The following ADAM23 variants were observed in gnomAD, a reference collection of about 807,000 sequenced individuals.
The protein encoded by ADAM23 is ADAM metallopeptidase domain 23, also known as disintegrin and metalloproteinase domain-containing protein 23.
Under a neutral mutation model 120.1 loss-of-function variants are expected in ADAM23, and 33 were observed. That is an observed-to-expected ratio of 0.27 (90% CI 0.21 to 0.37). The LOEUF is 0.37. Ranked by LOEUF, ADAM23 falls within the 10% of genes least tolerant of loss-of-function variation. The pLI, the probability that ADAM23 is intolerant of heterozygous loss-of-function variation, is 1.00. For synonymous variants in ADAM23, 367 were observed against 375.2 expected, an observed-to-expected ratio of 0.98 and a Z score of 0.25; for missense variants, 862 against 1,058.2, an observed-to-expected ratio of 0.81 and a Z score of 2.57.
chr2:206,460,436 T>C (rs889908399), intron 2 of ADAM23, among the ~76,000 whole-genome samples: 1 of 152,210 alleles, frequency 6.6e-6, no homozygotes, highest in Non-Finnish European at 1.5e-5. Context: ...CTAATGAGTA[T>C]GAAGTGGTAT....
chr2:206,544,882 A>G (rs767908135), intron 6 of ADAM23, among the ~76,000 whole-genome samples: 6 of 152,124 alleles, frequency 3.9e-5, no homozygotes, highest in Non-Finnish European at 5.9e-5. Context: ...AGAGAAGACA[A>G]GTGGTGAATG....
intron 9 of ADAM23, among the ~76,000 whole-genome samples, chr2:206,553,091 A>G (rs1462935862): frequency 1.3e-5 from 2 of 152,172 alleles, no homozygotes; most frequent in African/African-American, 4.8e-5. Context: ...TAAAAAGGAA[A>G]AAAAGGCCGC....
chr2:206,457,216 T>A (rs911764766), intron 2 of ADAM23, among the ~76,000 whole-genome samples: 23 of 152,222 alleles, frequency 1.5e-4, no homozygotes, highest in African/African-American at 5.3e-4. Flanking sequence ...TTGAGGCACT[T>A]TCATATCTAT....
intron 3 of ADAM23, among the ~76,000 whole-genome samples, chr2:206,524,765 G>A (rs1399062907): frequency 6.6e-6 from 1 of 152,152 alleles, no homozygotes; most frequent in Non-Finnish European, 1.5e-5. Flanking sequence ...ATCTCCCACT[G>A]GGTCCCTCCC....
At chr2:206,611,779 A>C (rs1698832226) in intron 25 of ADAM23, among the ~76,000 whole-genome samples, 1 of 152,234 alleles carries the variant, frequency 6.6e-6, no homozygotes, top group African/African-American at 2.4e-5. Flanking sequence ...AAAATGGAAA[A>C]GCCTTTATCA....
chr2:206,565,309 G>A (rs1697855968), intron 14 of ADAM23, among the ~76,000 whole-genome samples: 1 of 152,084 alleles, frequency 6.6e-6, no homozygotes, highest in Non-Finnish European at 1.5e-5. Context: ...CTTAAAGGAA[G>A]CACATGATTA....
At position 206,448,679 on chromosome 2, in the gene ADAM23, C is replaced by T. The variant is rs550043002; in HGVS notation, c.432+3155C>T. On this transcript the variant is annotated intron_variant, in intron 2 of 25. Transcript: ENST00000264377. ...ACCAATAGCCAGTGATTTAATCAGT[C>T]ATGCCTATGTAAGGAAGCATCCATA... Among the ~76,000 whole-genome samples the T allele has an allele frequency of 7.9e-5, 12 of 152,280 alleles. No homozygotes were observed. The South Asian group carries it at 2.3e-3, about 29-fold the overall frequency.
intron 3 of ADAM23, among the ~76,000 whole-genome samples, chr2:206,483,483 C>T (rs901832256): frequency 1.3e-5 from 2 of 151,832 alleles, no homozygotes; most frequent in African/African-American, 4.8e-5. Context: ...ACCAACATGG[C>T]TGTGAATGAG....
rs140663840 is a variant in ADAM23 at position 206,464,050 on chromosome 2, T to C, written c.433-17182T>C. Among the ~76,000 whole-genome samples, 698 of 152,356 alleles carry C rather than the reference T, an allele frequency of 4.6e-3. 4 individuals are homozygous for C. The highest frequency in any genetic ancestry group is 6.8e-3 in the Middle Eastern group (2 of 294). ...CTGTAGATAGTTGCAATATTTCTTC[T>C]GTTATTATTTTTTGAAGGATACATA... On this transcript the variant is annotated intron_variant, in intron 2 of 25. Coordinates refer to ENST00000264377, the MANE Select transcript of ADAM23 (RefSeq NM_003812.4).
At chr2:206,616,041 C>T (rs1192483667) in intron 25 of ADAM23, among the ~76,000 whole-genome samples, 2 of 152,222 alleles carry the variant, frequency 1.3e-5, no homozygotes, top group African/African-American at 4.8e-5. Flanking sequence ...TCTAGCAATA[C>T]ATAGCTCACA....
chr2:206,519,089 A>G (rs1047805372), intron 3 of ADAM23, among the ~76,000 whole-genome samples: 1 of 152,158 alleles, frequency 6.6e-6, no homozygotes, highest in Non-Finnish European at 1.5e-5. Flanking sequence ...GGAGAAGACT[A>G]GTTGGACAAT....
At chr2:206,565,270 A>G (rs1697855118) in intron 14 of ADAM23, among the ~76,000 whole-genome samples, 1 of 152,150 alleles carries the variant, frequency 6.6e-6, no homozygotes, top group Admixed American at 6.5e-5. Context: ...ATAAAAGTAA[A>G]ATGTATTACC....
In ADAM23 at chr2:206,466,412, T is replaced by A. The variant is rs146845651; in HGVS notation, c.433-14820T>A. Among the ~76,000 whole-genome samples, 601 of 152,342 alleles carry A rather than the reference T, an allele frequency of 3.9e-3. 6 individuals carry two copies. The highest frequency in any genetic ancestry group is 0.013 in the African/African-American group (558 of 41,586). On this transcript the variant is annotated intron_variant, in intron 2 of 25. Coordinates refer to ENST00000264377, the MANE Select transcript of ADAM23 (RefSeq NM_003812.4). ...CTGTCCTAATTAAAAATGTTGATTT[T>A]AAAACCCGATTAGTATGTTGCTTTA...
chr2:206,562,403 G>T, intron 13 of ADAM23, 110 bp downstream of exon 13: 2 of 726,840 alleles, frequency 2.8e-6, no homozygotes, highest in Non-Finnish European at 4.5e-6. Flanking sequence ...TTTAATTGTA[G>T]TATATCTCCT....
chr2:206,588,695 T>G (rs1698371240), intron 20 of ADAM23, among the ~76,000 whole-genome samples: 3 of 152,332 alleles, frequency 2.0e-5, no homozygotes, highest in African/African-American at 7.2e-5. Context: ...TCCTGACATT[T>G]ACAGTGCCTC....
chr2:206,607,569 T>C (rs1315925519), intron 24 of ADAM23, among the ~76,000 whole-genome samples: 1 of 152,232 alleles, frequency 6.6e-6, no homozygotes, highest in African/African-American at 2.4e-5. Flanking sequence ...ACATAGTCCT[T>C]GTTATCAGCA....
intron 2 of ADAM23, among the ~76,000 whole-genome samples, chr2:206,468,280 C>T (rs1695582511): frequency 6.6e-6 from 1 of 152,146 alleles, no homozygotes; most frequent in Non-Finnish European, 1.5e-5. Flanking sequence ...CTTTTATGTT[C>T]TGCCTCCCTT....
chr2:206,446,163 T>G (rs990547887), intron 2 of ADAM23, among the ~76,000 whole-genome samples: 13 of 152,232 alleles, frequency 8.5e-5, no homozygotes, highest in Non-Finnish European at 1.8e-4. Context: ...CTGCATTGAT[T>G]ATGAGCAGTT....
intron 25 of ADAM23, among the ~76,000 whole-genome samples, chr2:206,612,858 T>C (rs1373913983): frequency 6.6e-6 from 1 of 152,250 alleles, no homozygotes; most frequent in African/African-American, 2.4e-5. Flanking sequence ...AAGATTATTA[T>C]AATCTGAAAA....
Sources: gnomAD v4.1 joint callset for allele counts (sites outside exome capture counted in the v4.1 genomes callset) on GRCh38, gnomAD v4.1.1 for gene constraint, MANE v1.5 for transcripts, NCBI Gene and HGNC (gene_info 2026-07-23, HGNC 2026-07-21) for gene names.